NXN: variants seen among roughly 807,000 people sequenced by gnomAD.
The protein encoded by NXN is nucleoredoxin.
NXN carries 16 observed loss-of-function variants against 48.6 expected under a neutral mutation model. That is an observed-to-expected ratio of 0.33 (90% CI 0.22 to 0.50). NXN has a LOEUF of 0.50. Among genes scored for constraint, NXN ranks in the 20% least tolerant of loss-of-function variants. The pLI is 0.98. For synonymous variants in NXN, 281 were observed against 269.6 expected (o/e 1.04, Z -0.41); for missense variants, 492 against 605.5 (o/e 0.81, Z 1.97).
At position 920,887 on chromosome 17, in the gene NXN, T is replaced by C. The variant is rs550840495; in HGVS notation, c.360+58432A>G. 5.3e-5 allele frequency among the ~76,000 whole-genome samples: 8 copies of C among 152,158 alleles called. No homozygotes were observed. The East Asian group carries it at 1.6e-3, about 29-fold the overall frequency. ...ACAGGCGCCCGCCACCATGTCCGGC[T>C]AATTTTTGTAATTTTAGTAAAGACG... On this transcript the variant is annotated intron_variant, in intron 1 of 7. Transcript: ENST00000336868. This position sits in a 1 kb window ranked among gnomAD's most constrained non-coding sequence, Gnocchi z 4.6.
At chr17:959,532 C>T (rs558145115) in intron 1 of NXN, among the ~76,000 whole-genome samples, 1 of 151,744 alleles carries the variant, frequency 6.6e-6, no homozygotes, top group Non-Finnish European at 1.5e-5. Flanking sequence ...CGCAGTGGCT[C>T]ACACCTGTAA....
chr17:835,726 A>G (rs1165624674), intron 1 of NXN, among the ~76,000 whole-genome samples: 125 of 122,306 alleles, frequency 1.0e-3, no homozygotes, highest in Non-Finnish European at 1.2e-3. Flanking sequence ...GGCCGCAGGG[A>G]AAAAACACCG....
At chr17:811,513 G>GGC (rs1912006104) in intron 5 of NXN, among the ~76,000 whole-genome samples, 2 of 152,082 alleles carry the variant, frequency 1.3e-5, no homozygotes, top group African/African-American at 4.8e-5. Context: ...CGGGGTTGGG[G>GGC]GGGGGGCAGC....
At chr17:876,195 AAAAGAAAAG>A (rs2068212876) in intron 1 of NXN, among the ~76,000 whole-genome samples, 1 of 149,360 alleles carries the variant, frequency 6.7e-6, no homozygotes, top group South Asian at 2.1e-4. Flanking sequence ...AGAAAGAAAA[AAAAGAAAAG>A]AAAGAAAAGA....
At chr17:959,063 G>A (rs1433340751) in intron 1 of NXN, 9 of 284,684 alleles carry the variant, frequency 3.2e-5, no homozygotes, top group Admixed American at 2.2e-4. Flanking sequence ...CACTGATGAG[G>A]TTCCTCATCA....
At chr17:895,206 G>A (rs1025262576) in intron 1 of NXN, among the ~76,000 whole-genome samples, 43 of 150,772 alleles carry the variant, frequency 2.9e-4, no homozygotes, top group Admixed American at 2.6e-3. Context: ...TAGTAGAGAC[G>A]GGGCTTCACC....
At chr17:801,985 T>C (rs1276226966) in intron 7 of NXN, among the ~76,000 whole-genome samples, 2 of 152,222 alleles carry the variant, frequency 1.3e-5, no homozygotes, top group Non-Finnish European at 2.9e-5. Flanking sequence ...TCACTACTTA[T>C]CTGAGAAAGA....
Position 979,755 on chromosome 17 carries a change from G to A in NXN, c.-77C>T. On this transcript the variant is annotated 5_prime_UTR_variant, in exon 1 of 8. Transcript: ENST00000336868. ...CGCGGCGGGAGGAGGCGGCGGCGTC[G>A]GCGGCAGGCGCTGGGGAGAGCAGAG... 9 of 1,192,652 alleles carry A rather than the reference G, an allele frequency of 7.5e-6. No individual in the cohort carries two copies. Among genetic ancestry groups the A allele is most frequent in the Non-Finnish European group, 9.5e-6 (9 of 943,768 alleles). 73.9% of individuals were successfully genotyped at this position (1,192,652 alleles called of 1,614,324 possible). A position where few individuals can be genotyped will look rare whatever the true frequency, so the allele number is the denominator to read the frequency against.
intron 1 of NXN, among the ~76,000 whole-genome samples, chr17:895,567 C>T (rs2068470525): frequency 6.6e-6 from 1 of 151,466 alleles, no homozygotes; most frequent in East Asian, 2.0e-4. Flanking sequence ...AATCCCAGCA[C>T]TTTGGGAGGT....
chr17:876,747 T>G (rs2068220166), intron 1 of NXN, among the ~76,000 whole-genome samples: 1 of 152,086 alleles, frequency 6.6e-6, no homozygotes. Context: ...TTCTATGTCA[T>G]CAAAATTAAC....
At chr17:801,576 G>A (rs1156371052) in intron 7 of NXN, among the ~76,000 whole-genome samples, 1 of 150,820 alleles carries the variant, frequency 6.6e-6, no homozygotes, top group African/African-American at 2.4e-5. Context: ...CTCCTGAGTA[G>A]CTGGGACTAC....
At chr17:858,177 C>CG (rs1477082742) in intron 1 of NXN, among the ~76,000 whole-genome samples, 1 of 151,636 alleles carries the variant, frequency 6.6e-6, no homozygotes, top group Non-Finnish European at 1.5e-5. Flanking sequence ...CACCATGTTG[C>CG]GGCTAATTTT....
At chr17:897,686 C>A (rs2068501221) in intron 1 of NXN, among the ~76,000 whole-genome samples, 1 of 151,658 alleles carries the variant, frequency 6.6e-6, no homozygotes, top group Non-Finnish European at 1.5e-5. Flanking sequence ...TTCTTTTATT[C>A]TTTTTTCGAG....
chr17:809,949 G>A (rs1197202935), intron 5 of NXN, among the ~76,000 whole-genome samples: 10 of 141,962 alleles, frequency 7.0e-5, no homozygotes, highest in Middle Eastern at 3.8e-3. Context: ...TGTACGTTAC[G>A]AGTCTGTGTG....
intron 5 of NXN, among the ~76,000 whole-genome samples, chr17:811,998 G>A (rs752033705): frequency 8.5e-5 from 12 of 140,732 alleles, no homozygotes; most frequent in African/African-American, 3.0e-4. Context: ...CAAGATCTCG[G>A]CTCACTGCAA....
rs529973947 is a variant in NXN, at chr17:900,390, C to CA, written c.361-74313dup. On this transcript the variant is annotated intron_variant, in intron 1 of 7. Transcript: ENST00000336868. ...GGAAATGGTGAGCTGCCCAAGGCCA[C>CA]AATGCCAGGAACCCAGAGCTGACCA... 8.0e-3 allele frequency among the ~76,000 whole-genome samples: 1,215 copies of CA among 152,306 alleles called. 5 individuals are homozygous for CA. Among genetic ancestry groups the CA allele is most frequent in the Non-Finnish European group, 0.012 (849 of 68,040 alleles).
intron 1 of NXN, among the ~76,000 whole-genome samples, chr17:846,426 AAAAAAG>A (rs1240613679): frequency 2.7e-5 from 4 of 149,762 alleles, no homozygotes; most frequent in African/African-American, 9.8e-5. Flanking sequence ...AAAAAAAAAA[AAAAAAG>A]AAAAGAAAAA....
intron 1 of NXN, among the ~76,000 whole-genome samples, chr17:966,224 C>T (rs1046383070): frequency 6.6e-6 from 1 of 152,090 alleles, no homozygotes; most frequent in Non-Finnish European, 1.5e-5. Flanking sequence ...AGCACGCGGA[C>T]ACATGTGGCC....
intron 1 of NXN, among the ~76,000 whole-genome samples, chr17:914,412 C>G (rs2068666354): frequency 6.6e-6 from 1 of 152,072 alleles, no homozygotes; most frequent in Admixed American, 6.6e-5. Flanking sequence ...TCAGGTGATC[C>G]ACCCGCCACA....
Sources: gnomAD v4.1 joint callset for allele counts (sites outside exome capture counted in the v4.1 genomes callset) on GRCh38, gnomAD v4.1.1 for gene constraint, Gnocchi (gnomAD v3.1) non-coding constraint, MANE v1.5 for transcripts, NCBI Gene and HGNC (gene_info 2026-07-23, HGNC 2026-07-21) for gene names.